BICC1: variants seen among roughly 807,000 people sequenced by gnomAD.
BICC1 encodes BicC family RNA binding protein 1.
Under a neutral mutation model 111.0 loss-of-function variants are expected in BICC1, and 43 were observed. The observed-to-expected ratio is 0.39, with a 90% CI of 0.30 to 0.50. The LOEUF (loss-of-function observed/expected upper bound fraction) is 0.50, where lower values mean the gene tolerates loss of function less well. BICC1 is among the 20% of genes least tolerant of loss of function. BICC1 has a pLI of 0.88. For missense variants in BICC1, 1,091 were observed against 1,203.2 expected (o/e 0.91, Z 1.38); for synonymous variants, 467 against 434.4 (o/e 1.07, Z -0.93).
chr10:58,761,201 A>G (rs574052897), intron 3 of BICC1, among the ~76,000 whole-genome samples: 1 of 152,254 alleles, frequency 6.6e-6, no homozygotes, highest in Non-Finnish European at 1.5e-5. Context: ...GTTTGTGTGA[A>G]AGTACATGAT....
At chr10:58,732,229 G>T (rs1017538083) in intron 3 of BICC1, among the ~76,000 whole-genome samples, 2 of 149,498 alleles carry the variant, frequency 1.3e-5, no homozygotes, top group African/African-American at 5.0e-5. Flanking sequence ...CTTTCTTAGG[G>T]AATAAGGAGG....
At chr10:58,536,613 G>T (rs1214179432) in intron 1 of BICC1, among the ~76,000 whole-genome samples, 2 of 151,736 alleles carry the variant, frequency 1.3e-5, no homozygotes, top group Admixed American at 6.6e-5. Flanking sequence ...CAAAAAATCT[G>T]CAAGGTTACA....
chr10:58,823,361 C>T (rs1246191552), intron 20 of BICC1: 2 of 985,274 alleles, frequency 2.0e-6, no homozygotes, highest in Admixed American at 6.2e-5. Context: ...GAGGAGTTTG[C>T]CTTATCATTT....
At chr10:58,598,370 T>C (rs1844903224) in intron 1 of BICC1, among the ~76,000 whole-genome samples, 1 of 152,190 alleles carries the variant, frequency 6.6e-6, no homozygotes, top group African/African-American at 2.4e-5. Context: ...TACAACCATC[T>C]GATCTTTGAC....
rs74529270 is a variant in BICC1 at position 58,647,390 on chromosome 10, G to C, written c.237+26489G>C. Among the ~76,000 whole-genome samples, 732 of 152,176 alleles carry C rather than the reference G, an allele frequency of 4.8e-3. 7 individuals are homozygous for C. The highest frequency in any genetic ancestry group is 0.017 in the African/African-American group (696 of 41,528). ...AGAGCATGAATGTCAAAATAACTTC[G>C]CTGCTTTGGAGAACCAAAAATCTTT... On this transcript the variant is annotated intron_variant, in intron 2 of 20. Coordinates refer to ENST00000373886, the MANE Select transcript of BICC1 (RefSeq NM_001080512.3).
rs1008596638 is a variant in BICC1 at position 58,532,064 on chromosome 10, A to G, written c.190+18731A>G. Among the ~76,000 whole-genome samples the G allele has an allele frequency of 2.4e-4, 36 of 151,926 alleles. 1 individual carries two copies. The highest frequency in any genetic ancestry group is 1.3e-3 in the Admixed American group (20 of 15,230). On this transcript the variant is annotated intron_variant, in intron 1 of 20. Coordinates refer to ENST00000373886, the MANE Select transcript of BICC1 (RefSeq NM_001080512.3). ...ATGTGAAAAAGGAAATAGATATCCA[A>G]ATATAAGAAGCTCAAAGGACTACAG...
intron 18 of BICC1, among the ~76,000 whole-genome samples, chr10:58,815,746 A>T (rs1367216350): frequency 6.6e-6 from 1 of 152,184 alleles, no homozygotes; most frequent in Non-Finnish European, 1.5e-5. Flanking sequence ...TACTTTGAAC[A>T]TTTATCACTA....
intron 19 of BICC1, among the ~76,000 whole-genome samples, chr10:58,819,245 C>A (rs1435910395): frequency 2.6e-5 from 4 of 152,142 alleles, no homozygotes; most frequent in Admixed American, 2.6e-4. Flanking sequence ...CTGGGGAACA[C>A]TTGAGCTGAA....
chr10:58,793,421 A>T (rs1843241763), intron 8 of BICC1, 63 bp from the exon 9 acceptor site: 10 of 1,441,296 alleles, frequency 6.9e-6, no homozygotes, highest in Non-Finnish European at 8.6e-6. Context: ...GGCATGTTAA[A>T]TTATCAGGTG....
intron 1 of BICC1, among the ~76,000 whole-genome samples, chr10:58,588,061 G>A (rs1844485723): frequency 6.6e-6 from 1 of 152,186 alleles, no homozygotes; most frequent in African/African-American, 2.4e-5. Flanking sequence ...GGTACACAAA[G>A]TGGTTCATGT....
chr10:58,522,467 A>G (rs1233685520), intron 1 of BICC1, among the ~76,000 whole-genome samples: 1 of 152,174 alleles, frequency 6.6e-6, no homozygotes, highest in Non-Finnish European at 1.5e-5. Flanking sequence ...TGGGTACATA[A>G]TGAAATGAAG....
Position 58,817,485 on chromosome 10 carries a change from G to A in BICC1, c.2534-77G>A. Reference sequence around the variant, plus strand: ...TGAACAATGGAAGTTGAAATATTTAGGTGATTAAAACTTTTAATTAAACCA... The same window carrying A: ...TGAACAATGGAAGTTGAAATATTTAAGTGATTAAAACTTTTAATTAAACCA... On this transcript the variant is annotated intron_variant, in intron 18 of 20. Coordinates refer to ENST00000373886, the MANE Select transcript of BICC1 (RefSeq NM_001080512.3). 2.0e-6 allele frequency: 3 copies of A among 1,480,944 alleles called. No homozygotes were observed. In the South Asian group the frequency reaches 3.4e-5, roughly 17 times the overall value. 91.7% of individuals were successfully genotyped at this position (1,480,944 alleles called of 1,614,324 possible). A position where few individuals can be genotyped will look rare whatever the true frequency, so the allele number is the denominator to read the frequency against.
intron 1 of BICC1, among the ~76,000 whole-genome samples, chr10:58,595,294 T>A (rs1844775270): frequency 6.6e-6 from 1 of 152,142 alleles, no homozygotes; most frequent in African/African-American, 2.4e-5. Flanking sequence ...CTGTCAATAT[T>A]AGACAGATCA....
At chr10:58,706,133 C>A (rs554969442) in intron 3 of BICC1, among the ~76,000 whole-genome samples, 35 of 152,280 alleles carry the variant, frequency 2.3e-4, no homozygotes, top group African/African-American at 7.2e-4. Context: ...AGGTTTGTGC[C>A]TGTGAAACCA....
chr10:58,524,270 GGAGGCACCACGCTACCT>G (rs1564470761), intron 1 of BICC1, among the ~76,000 whole-genome samples: 1 of 152,138 alleles, frequency 6.6e-6, no homozygotes, highest in Non-Finnish European at 1.5e-5. Flanking sequence ...GAACAAAGCT[GGAGGCACCACGCTACCT>G]GACTTCAAAC....
intron 3 of BICC1, among the ~76,000 whole-genome samples, chr10:58,705,151 A>C (rs1208019317): frequency 6.6e-6 from 1 of 152,214 alleles, no homozygotes; most frequent in African/African-American, 2.4e-5. Context: ...TTGGCTTAGT[A>C]GTTCTGAGGC....
At chr10:58,548,355 TTAGTC>T (rs1843196084) in intron 1 of BICC1, among the ~76,000 whole-genome samples, 1 of 152,210 alleles carries the variant, frequency 6.6e-6, no homozygotes, top group Non-Finnish European at 1.5e-5. Context: ...CCTTTTGCCT[TTAGTC>T]TTACCTACTC....
chr10:58,564,650 G>A (rs1395661848), intron 1 of BICC1, among the ~76,000 whole-genome samples: 2 of 152,156 alleles, frequency 1.3e-5, no homozygotes, highest in South Asian at 2.1e-4. Flanking sequence ...ATCATCCAGA[G>A]GAATCACTGG....
intron 3 of BICC1, among the ~76,000 whole-genome samples, chr10:58,769,425 T>TATATATATAA (rs1385104345): frequency 1.4e-5 from 2 of 145,032 alleles, no homozygotes; most frequent in African/African-American, 5.0e-5. Context: ...TATATATATA[T>TATATATATAA]AATCACAGTA....
Sources: allele counts gnomAD v4.1 joint callset (sites outside exome capture counted in the v4.1 genomes callset), GRCh38; gene constraint gnomAD v4.1.1; transcripts MANE v1.5; gene names NCBI Gene and HGNC (gene_info 2026-07-23, HGNC 2026-07-21).